The following CNTN4 variants were observed in gnomAD, a reference collection of about 807,000 sequenced individuals.
CNTN4 encodes the protein contactin 4.
Under a neutral mutation model 122.5 loss-of-function variants are expected in CNTN4, and 77 were observed. The observed-to-expected ratio is 0.63, with a 90% confidence interval of 0.52 to 0.76. The LOEUF (loss-of-function observed/expected upper bound fraction) is 0.76, where lower values mean the gene tolerates loss of function less well. Among genes scored for constraint, CNTN4 ranks in the 30% least tolerant of loss-of-function variants. The pLI is 0.00. For missense variants in CNTN4, 1,256 were observed against 1,259.1 expected (o/e 1.00, Z 0.04); for synonymous variants, 512 against 447.0 (o/e 1.15, Z -1.83).
intron 2 of CNTN4, among the ~76,000 whole-genome samples, chr3:2,184,600 A>T (rs906857330): frequency 3.3e-5 from 5 of 152,118 alleles, no homozygotes; most frequent in African/African-American, 9.7e-5. Context: ...ATTTATTCTC[A>T]GGTGAAACAA....
chr3:2,607,626 A>T (rs1489400711), intron 4 of CNTN4, among the ~76,000 whole-genome samples: 1 of 152,028 alleles, frequency 6.6e-6, no homozygotes, highest in Non-Finnish European at 1.5e-5. Context: ...ACACACACAC[A>T]TAACTAATGG....
At chr3:2,669,560 T>A (rs1279161262) in intron 4 of CNTN4, among the ~76,000 whole-genome samples, 1 of 149,292 alleles carries the variant, frequency 6.7e-6, no homozygotes, top group Admixed American at 6.6e-5. Flanking sequence ...ATTCATTGAT[T>A]TTTTTGAACG....
At chr3:2,702,730 G>C (rs2086427738) in intron 4 of CNTN4, among the ~76,000 whole-genome samples, 1 of 152,194 alleles carries the variant, frequency 6.6e-6, no homozygotes, top group South Asian at 2.1e-4. Flanking sequence ...TGAAGCACAT[G>C]GTGCATATTC....
At chr3:2,520,736 C>T (rs1396476405) in intron 3 of CNTN4, among the ~76,000 whole-genome samples, 2 of 151,916 alleles carry the variant, frequency 1.3e-5, no homozygotes, top group African/African-American at 2.4e-5. Context: ...ACATTTTAGA[C>T]ATTCTATCTG....
At chr3:2,722,082 A>G (rs1413822494) in intron 4 of CNTN4, among the ~76,000 whole-genome samples, 3 of 152,196 alleles carry the variant, frequency 2.0e-5, no homozygotes, top group Non-Finnish European at 4.4e-5. Flanking sequence ...TTCTGTTGTT[A>G]TGAAGTTACC....
chr3:2,241,178 G>A (rs1470711422), intron 2 of CNTN4, among the ~76,000 whole-genome samples: 3 of 152,086 alleles, frequency 2.0e-5, no homozygotes, highest in Admixed American at 6.5e-5. Flanking sequence ...GAGATGATAT[G>A]AATATGTAAA....
At chr3:2,611,184 C>T (rs544370995) in intron 4 of CNTN4, among the ~76,000 whole-genome samples, 138 of 151,482 alleles carry the variant, frequency 9.1e-4, no homozygotes, top group African/African-American at 3.2e-3. Context: ...AACTCTTTGC[C>T]TCTATTTTGT....
At chr3:2,778,860 C>T (rs1576757809) in intron 6 of CNTN4, among the ~76,000 whole-genome samples, 1 of 152,170 alleles carries the variant, frequency 6.6e-6, no homozygotes, top group Non-Finnish European at 1.5e-5. Flanking sequence ...GCAAATTACT[C>T]ACAAGATTAT....
rs557552944 is a variant in CNTN4 at position 2,291,765 on chromosome 3, G to A, written c.-144-47413G>A. Among the ~76,000 whole-genome samples, 548 of 151,696 alleles carry A rather than the reference G, an allele frequency of 3.6e-3. 4 individuals carry two copies. Among genetic ancestry groups the A allele is most frequent in the African/African-American group, 0.013 (537 of 41,368 alleles). On this transcript the variant is annotated intron_variant, in intron 2 of 24. Transcript: ENST00000418658. ...TTAACTTTTTTTGAGATAGAGTCTC[G>A]CTCTGTTGTGCAGGCTAGAGGGCGA... is the stretch of plus-strand genomic sequence containing the variant.
intron 3 of CNTN4, among the ~76,000 whole-genome samples, chr3:2,493,592 T>C (rs1229506073): frequency 6.6e-6 from 1 of 151,650 alleles, no homozygotes; most frequent in Non-Finnish European, 1.5e-5. Flanking sequence ...GCAGTTAGTA[T>C]TGAGGATTCA....
chr3:2,351,906 A>G (rs2044642346), intron 3 of CNTN4, among the ~76,000 whole-genome samples: 1 of 152,180 alleles, frequency 6.6e-6, no homozygotes, highest in Non-Finnish European at 1.5e-5. Context: ...TCTACTGCAT[A>G]GCAAGGTGAC....
At chr3:2,445,406 ATCTC>A (rs1332764760) in intron 3 of CNTN4, among the ~76,000 whole-genome samples, 9 of 152,074 alleles carry the variant, frequency 5.9e-5, no homozygotes, top group African/African-American at 2.2e-4. Flanking sequence ...TCTTTGATAA[ATCTC>A]GAAGATAGAG....
chr3:2,628,564 T>G lies in CNTN4; in HGVS notation c.55+57006T>G, dbSNP rs368290105. Reference sequence around the variant, plus strand: ...GAGAAGATTTCCAAATTTCTCTGATTGCCATCAGTAGGGAGTGATGAAGTG... The same window carrying G: ...GAGAAGATTTCCAAATTTCTCTGATGGCCATCAGTAGGGAGTGATGAAGTG... On this transcript the variant is annotated intron_variant, in intron 4 of 24. Coordinates refer to ENST00000418658, the MANE Select transcript of CNTN4 (RefSeq NM_175607.3). Among the ~76,000 whole-genome samples the G allele has an allele frequency of 2.7e-3, 412 of 152,358 alleles. 3 individuals are homozygous for G. The highest frequency in any genetic ancestry group is 9.6e-3 in the African/African-American group (398 of 41,588).
intron 11 of CNTN4, 64 bp downstream of exon 11, chr3:2,900,885 C>T (rs935191629): frequency 2.9e-5 from 46 of 1,577,958 alleles, no homozygotes; most frequent in African/African-American, 4.0e-5. Context: ...GCCTCATTGC[C>T]GTGGAAACGG....
At position 2,114,286 on chromosome 3, in the gene CNTN4, C is replaced by CA. The variant is rs549379875; in HGVS notation, c.-145+13656dup. On this transcript the variant is annotated intron_variant, in intron 2 of 24. Transcript: ENST00000418658. ...TGGTCAACATGGCAAAACCCCATCT[C>CA]AAAAAAAAACAAAAAAATACAAAAA... 3.2e-3 allele frequency among the ~76,000 whole-genome samples: 472 copies of CA among 148,026 alleles called. 3 individuals carry two copies. The highest frequency in any genetic ancestry group is 3.7e-3 in the Non-Finnish European group (249 of 66,870).
At chr3:2,473,124 A>C (rs1184146099) in intron 3 of CNTN4, among the ~76,000 whole-genome samples, 3 of 150,910 alleles carry the variant, frequency 2.0e-5, no homozygotes, top group Non-Finnish European at 4.4e-5. Context: ...CCAGGTACTC[A>C]GGAGGCTGAG....
chr3:2,261,290 A>T (rs1255901703), intron 2 of CNTN4, among the ~76,000 whole-genome samples: 1 of 152,186 alleles, frequency 6.6e-6, no homozygotes, highest in African/African-American at 2.4e-5. Context: ...TGCCAATTAA[A>T]TTTAAAACAA....
intron 11 of CNTN4, 72 bp downstream of exon 11, chr3:2,900,893 C>A: frequency 4.5e-6 from 7 of 1,556,760 alleles, no homozygotes; most frequent in Non-Finnish European, 6.2e-6. Context: ...GCCGTGGAAA[C>A]GGGAGAATGG....
chr3:2,796,268 T>C (rs2092177431), intron 6 of CNTN4, among the ~76,000 whole-genome samples: 1 of 152,130 alleles, frequency 6.6e-6, no homozygotes, highest in African/African-American at 2.4e-5. Flanking sequence ...AAAATGGAAT[T>C]AGTGGGAGAT....
Sources: gnomAD v4.1 joint callset for allele counts (sites outside exome capture counted in the v4.1 genomes callset) on GRCh38, gnomAD v4.1.1 for gene constraint, MANE v1.5 for transcripts, NCBI Gene and HGNC (gene_info 2026-07-23, HGNC 2026-07-21) for gene names.